CNN1: variants seen among roughly 807,000 people sequenced by gnomAD.
CNN1 encodes calponin 1.
CNN1 carries 21 observed loss-of-function variants against 35.3 expected under a neutral mutation model. The observed-to-expected ratio is 0.60, with a 90% CI of 0.42 to 0.86. The LOEUF (loss-of-function observed/expected upper bound fraction) is 0.86, where lower values mean the gene tolerates loss of function less well. CNN1 is among the 40% of genes least tolerant of loss of function. The pLI is 0.00. For synonymous variants in CNN1, 164 were observed against 161.8 expected (o/e 1.01, Z -0.10); for missense variants, 314 against 400.8 (o/e 0.78, Z 1.85).
At chr19:11,546,167 T>A (rs145086210) in intron 2 of CNN1, among the ~76,000 whole-genome samples, 1 of 152,078 alleles carries the variant, frequency 6.6e-6, no homozygotes, top group Non-Finnish European at 1.5e-5. Context: ...TGAGTCTAGC[T>A]CCTTGGCATC....
At position 11,544,342 on chromosome 19, in the gene CNN1, G is replaced by A. The variant is rs8111859; in HGVS notation, c.186-2333G>A. ...CAGAGGGGGCCACCAGTGCAAAGGCGTGAGGTAGGATCGTGCTTGGGGTGT... is the reference window on the plus strand; with the variant it reads ...CAGAGGGGGCCACCAGTGCAAAGGCATGAGGTAGGATCGTGCTTGGGGTGT... On this transcript the variant is annotated intron_variant, in intron 2 of 6. Transcript: ENST00000252456. Among the ~76,000 whole-genome samples, 96 of 152,220 alleles carry A rather than the reference G, an allele frequency of 6.3e-4. 1 individual carries two copies. Among genetic ancestry groups the A allele is most frequent in the African/African-American group, 2.1e-3 (88 of 41,542 alleles).
chr19:11,546,699 C>A lies in CNN1; in HGVS notation c.210C>A (p.Gly70=). 1 of 1,614,178 alleles carries A rather than the reference C, an allele frequency of 6.2e-7. No individual in the cohort carries two copies. The highest frequency in any genetic ancestry group is 8.5e-7 in the Non-Finnish European group (1 of 1,180,036). ...LCEFINKLQP[G]SVKKINESTQ... ...GATTCATCAATAAGCTGCAGCCAGG[C>A]TCCGTGAAGAAGATCAATGAGTCAA... Residue 70 remains glycine, a synonymous_variant, in exon 3 of 7, where the codon GGC becomes GGA. Transcript: ENST00000252456.
intron 3 of CNN1, 34 bp from the exon 4 acceptor site, chr19:11,546,798 C>T: frequency 6.2e-7 from 1 of 1,614,110 alleles, no homozygotes; most frequent in Non-Finnish European, 8.5e-7. Context: ...GACCTCCCCT[C>T]CCCACCCAGT....
intron 4 of CNN1, 127 bp from the exon 5 acceptor site, chr19:11,547,670 G>GC (rs1253662342): frequency 1.1e-5 from 7 of 647,226 alleles, no homozygotes; most frequent in Non-Finnish European, 1.8e-5. Context: ...CTGAGATCAC[G>GC]CCACTGCACT....
intron 1 of CNN1, chr19:11,539,902 C>A: frequency 8.8e-7 from 1 of 1,138,544 alleles, no homozygotes; most frequent in Non-Finnish European, 1.1e-6. Context: ...CCGCGCAGAG[C>A]CGCGCAGAGA....
At chr19:11,539,232 G>A in intron 1 of CNN1, 1 of 1,264,342 alleles carries the variant, frequency 7.9e-7, no homozygotes. Flanking sequence ...TCAGTCCATT[G>A]CAAAGATACC....
chr19:11,541,742 C>T (rs898221765), intron 2 of CNN1, among the ~76,000 whole-genome samples: 2 of 152,164 alleles, frequency 1.3e-5, no homozygotes, highest in African/African-American at 4.8e-5. Context: ...GCACGCACCA[C>T]CATGCCTGGC....
chr19:11,541,094 C>T lies in CNN1; in HGVS notation c.82C>T (p.His28Tyr), dbSNP rs765795994. The change falls in exon 2 of 7, where the codon CAC becomes TAC. Residue 28 changes from histidine to tyrosine, a missense_variant. Transcript: ENST00000252456. ...GCCCCAGCTGGCCCAGAAGTATGAC[C>T]ACCAGCGGGAGCAGGAGCTGAGAGA... is the stretch of plus-strand genomic sequence containing the variant. ...VKNKLAQKYD[H>Y]QREQELREWI... is the part of the protein sequence containing the mutation. 3 of 1,611,012 alleles carry T rather than the reference C, an allele frequency of 1.9e-6. No homozygotes were observed. Among genetic ancestry groups the T allele is most frequent in the Non-Finnish European group, 2.5e-6 (3 of 1,178,488 alleles).
At chr19:11,542,067 T>TA (rs1322265607) in intron 2 of CNN1, 2 of 145,318 alleles carry the variant, frequency 1.4e-5, no homozygotes, top group African/African-American at 5.1e-5. Flanking sequence ...TTTTTTTTTT[T>TA]AGTAGAGACA....
At chr19:11,546,626 G>A (rs1235010607) in intron 2 of CNN1, 49 bp from the exon 3 acceptor site, 1 of 1,608,418 alleles carries the variant, frequency 6.2e-7, no homozygotes, top group East Asian at 2.2e-5. Flanking sequence ...GAGCCACCGT[G>A]CCCAACCCTG....
In CNN1 at chr19:11,541,127, G is replaced by A. The variant is rs544465845; in HGVS notation, c.115G>A (p.Glu39Lys). The A allele has an allele frequency of 6.2e-6, 10 of 1,609,964 alleles. No homozygotes were observed. Among genetic ancestry groups the A allele is most frequent in the African/African-American group, 1.3e-5 (1 of 74,784 alleles). The change falls in exon 2 of 7, where the codon GAG (glutamate) becomes AAG (lysine). Residue 39 changes from glutamate to lysine, a missense_variant. Physicochemically the swap from Glu to Lys is moderately conservative, Grantham distance 56 (BLOSUM62 1). Transcript: ENST00000252456. Reference sequence around the variant, plus strand: ...GGAGCAGGAGCTGAGAGAGTGGATCGAGGGGGTGACAGGCCGTCGCATCGG... The same window carrying A: ...GGAGCAGGAGCTGAGAGAGTGGATCAAGGGGGTGACAGGCCGTCGCATCGG... ...QREQELREWI[E>K]GVTGRRIGNN...
In CNN1 at chr19:11,549,193, A is replaced by AAAAAAAATAAAT. The variant is rs377568799; in HGVS notation, c.502-127_502-126insAAAATAAATAAA. The AAAAAAAATAAAT allele has an allele frequency of 2.0e-3, 2,163 of 1,065,958 alleles. 42 individuals carry two copies. The African/African-American group carries it at 0.033, about 16-fold the overall frequency. The allele number at this position is 1,065,958 out of a possible 1,614,324, so 66.0% of individuals were successfully genotyped here. A position where few individuals can be genotyped will look rare whatever the true frequency, so the allele number is the denominator to read the frequency against. On this transcript the variant is annotated intron_variant, in intron 5 of 6. Coordinates refer to ENST00000252456, the MANE Select transcript of CNN1 (RefSeq NM_001299.6). This position sits in a 1 kb window ranked among gnomAD's most constrained non-coding sequence, Gnocchi z 5.2. ...ACAGAGCAAGACTCCGTCTCAAAAAAAAATAAATAAAATAAAATAAAAATT... is the reference window on the plus strand; with the variant it reads ...ACAGAGCAAGACTCCGTCTCAAAAAAAAAAAAATAAATAAATAAATAAAATAAAATAAAAATT...
rs902633421 is a variant in CNN1, at chr19:11,550,071, C to A, written c.*276C>A. On this transcript the variant is annotated 3_prime_UTR_variant, in exon 7 of 7. Coordinates refer to ENST00000252456, the MANE Select transcript of CNN1 (RefSeq NM_001299.6). ...CACTGAGCAACGCTATTCCAGCTGT[C>A]CCCCCACTCCCTCACAAGTGGGTAC... is the stretch of plus-strand genomic sequence containing the variant. The A allele has an allele frequency of 3.7e-5, 13 of 351,842 alleles. No homozygotes were observed. Among genetic ancestry groups the A allele is most frequent in the African/African-American group, 2.3e-4 (11 of 47,432 alleles). The allele number at this position is 351,842 out of a possible 1,614,324, so 21.8% of individuals were successfully genotyped here. A position where few individuals can be genotyped will look rare whatever the true frequency, so the allele number is the denominator to read the frequency against.
rs1483472175 is a variant in CNN1, at chr19:11,541,070, C to CCCCA, written c.64-5_64-2dup. The CCCCA allele has an allele frequency of 6.2e-7, 1 of 1,603,342 alleles. No homozygotes were observed. Among genetic ancestry groups the CCCCA allele is most frequent in the African/African-American group, 1.3e-5 (1 of 74,492 alleles). ...CTCTGTGCCCCCTGCCCTCCCCTCG[C>CCCCA]CCCAGCTGGCCCAGAAGTATGACCA... is the stretch of plus-strand genomic sequence containing the variant. On this transcript the variant is annotated splice_region_variant and splice_polypyrimidine_tract_variant and intron_variant, in intron 1 of 6. Transcript: ENST00000252456.
chr19:11,546,376 C>G (rs1420268946), intron 2 of CNN1, among the ~76,000 whole-genome samples: 15 of 149,314 alleles, frequency 1.0e-4, no homozygotes, highest in Non-Finnish European at 1.3e-4. Context: ...GAGTCTCGCT[C>G]TGTCCCCAAG....
chr19:11,549,653 A>C lies in CNN1; in HGVS notation c.752A>C (p.Lys251Thr). The change falls in exon 7 of 7, where the codon AAG becomes ACG. Residue 251 changes from lysine (K) to threonine (T), a missense_variant. Lys to Thr is a moderately conservative substitution (Grantham distance 78). Transcript: ENST00000252456. The surrounding 1 kb of genome is among the most constrained non-coding windows in gnomAD (Gnocchi z 5.2). ...LNVSLQMGSN[K>T]GASQRGMTVY... ...GTCAGCCTGCAGATGGGCAGCAACA[A>C]GGGCGCCTCGCAGCGGGGCATGACG... 1 of 1,613,958 alleles carries C rather than the reference A, an allele frequency of 6.2e-7. No homozygotes were observed. The highest frequency in any genetic ancestry group is 1.1e-5 in the South Asian group (1 of 91,058).
chr19:11,543,946 C>T (rs950515015), intron 2 of CNN1, among the ~76,000 whole-genome samples: 3 of 151,434 alleles, frequency 2.0e-5, no homozygotes, highest in East Asian at 3.9e-4. Flanking sequence ...CAGTCACCCA[C>T]GCACTCCGGT....
At chr19:11,547,046 G>A (rs1186108427) in intron 4 of CNN1, 77 bp downstream of exon 4, 1 of 1,591,228 alleles carries the variant, frequency 6.3e-7, no homozygotes, top group Non-Finnish European at 8.6e-7. Flanking sequence ...TTGTGCTCCT[G>A]AGCCCAGTGA....
intron 2 of CNN1, 72 bp downstream of exon 2, chr19:11,541,269 A>C: frequency 6.8e-7 from 1 of 1,466,586 alleles, no homozygotes; most frequent in Non-Finnish European, 9.1e-7. Context: ...CCCCCAAAAC[A>C]ACCATGATCC....
Sources: allele counts gnomAD v4.1 joint callset (sites outside exome capture counted in the v4.1 genomes callset), GRCh38; gene constraint gnomAD v4.1.1; non-coding constraint Gnocchi (gnomAD v3.1); transcripts MANE v1.5; gene names NCBI Gene and HGNC (gene_info 2026-07-23, HGNC 2026-07-21).